CRHBP: variants seen among roughly 807,000 people sequenced by gnomAD.
CRHBP encodes the protein corticotropin-releasing hormone-binding protein.
Under a neutral mutation model 34.9 loss-of-function variants are expected in CRHBP, and 19 were observed. The ratio of observed to expected loss-of-function variants is 0.55; its 90% CI spans 0.38 to 0.80. The LOEUF is 0.80. Among genes scored for constraint, CRHBP ranks in the 30% least tolerant of loss-of-function variants. The pLI, the probability that CRHBP is intolerant of heterozygous loss-of-function variation, is 0.00. For synonymous variants in CRHBP, 154 were observed against 153.4 expected (o/e 1.00, Z -0.03); for missense variants, 328 against 409.2 (o/e 0.80, Z 1.71).
chr5:76,979,997 A>T (rs1209012480), intron 3 of CRHBP, among the ~76,000 whole-genome samples: 1 of 148,354 alleles, frequency 6.7e-6, no homozygotes, highest in Non-Finnish European at 1.5e-5. Context: ...CACGCCTGTA[A>T]TGCCAGCACT....
chr5:76,954,389 C>T (rs1233177394), intron 3 of CRHBP, among the ~76,000 whole-genome samples: 1 of 152,168 alleles, frequency 6.6e-6, no homozygotes, highest in Non-Finnish European at 1.5e-5. Flanking sequence ...AGACCTCGAC[C>T]CACACACATC....
chr5:76,954,074 C>T lies in CRHBP; in HGVS notation c.221C>T (p.Ala74Val). 6.2e-7 allele frequency: 1 copy of T among 1,613,994 alleles called. No homozygotes were observed. Among genetic ancestry groups the T allele is most frequent in the Non-Finnish European group, 8.5e-7 (1 of 1,179,950 alleles). ...LSLQGQFTFT[A>V]DRPQLHCAAF... is the part of the protein sequence containing the mutation. ...CTCCAGGGCCAGTTCACCTTCACCG[C>T]CGACCGGCCGCAGCTGCACTGCGCA... The change falls in exon 3 of 7, where the codon GCC becomes GTC. Residue 74 changes from alanine to valine, a missense_variant. Transcript: ENST00000274368.
intron 3 of CRHBP, among the ~76,000 whole-genome samples, chr5:76,955,026 A>G (rs935326618): frequency 1.3e-5 from 2 of 152,228 alleles, no homozygotes; most frequent in Non-Finnish European, 2.9e-5. Context: ...GGTCAAGTCA[A>G]TAGACTCTGA....
downstream of CRHBP, among the ~76,000 whole-genome samples, chr5:76,971,242 C>T (rs558145158): frequency 6.6e-6 from 1 of 152,276 alleles, no homozygotes; most frequent in Admixed American, 6.5e-5. Context: ...TTATAAGTCT[C>T]CATTCCTTAG....
chr5:76,955,562 T>C (rs548025448), intron 3 of CRHBP, 91 bp from the exon 4 acceptor site: 35 of 1,147,024 alleles, frequency 3.1e-5, no homozygotes, highest in African/African-American at 4.6e-5. Context: ...TGAAGGCCCA[T>C]TGCTGGATGA....
chr5:76,973,806 G>A (rs1458920184), downstream of CRHBP, among the ~76,000 whole-genome samples: 1 of 83,746 alleles, frequency 1.2e-5, no homozygotes, highest in Non-Finnish European at 2.2e-5. Context: ...TCTCTTGCTT[G>A]CTATTTTATT....
At chr5:76,976,521 G>A (rs1013872160) in intron 3 of CRHBP, 1 of 152,232 alleles carries the variant, frequency 6.6e-6, no homozygotes, top group Non-Finnish European at 1.5e-5. Flanking sequence ...CAATGTAGAG[G>A]TGAGTTCTTA....
intron 2 of CRHBP, among the ~76,000 whole-genome samples, chr5:76,975,825 A>AAAAAAAAAAAAATATATATATATATAT: frequency 3.2e-5 from 2 of 61,846 alleles, no homozygotes; most frequent in Admixed American, 1.8e-4. Flanking sequence ...AAAAAAAAAA[A>AAAAAAAAAAAAATATATATATATATAT]ATATATATAT....
Position 76,955,839 on chromosome 5 carries a change from A to G in CRHBP, c.520A>G (p.Ile174Val), listed in dbSNP as rs1365260108. The G allele has an allele frequency of 3.7e-6, 6 of 1,614,068 alleles. No homozygotes were observed. Among genetic ancestry groups the G allele is most frequent in the Middle Eastern group, 1.6e-4 (1 of 6,072 alleles). ...HEPGNGFTLTIKTDPNLFPCN... is the reference protein window; with the variant it reads ...HEPGNGFTLTVKTDPNLFPCN... Reference sequence around the variant, plus strand: ...ACCAGGAAATGGATTCACATTAACCATAAAGACAGACCCCAACCTCTTTCG... The same window carrying G: ...ACCAGGAAATGGATTCACATTAACCGTAAAGACAGACCCCAACCTCTTTCG... Residue 174 changes from isoleucine to valine, a missense_variant, in exon 4 of 7, where the codon ATA (isoleucine) becomes GTA (valine). Ile to Val is a conservative substitution (Grantham distance 29). This residue lies in a region of CRHBP where 144 missense variants were observed against 216.7 expected (regional missense o/e 0.66). Transcript: ENST00000274368.
At chr5:76,975,331 A>G (rs1004579615) in intron 2 of CRHBP, among the ~76,000 whole-genome samples, 16 of 152,242 alleles carry the variant, frequency 1.1e-4, no homozygotes, top group Non-Finnish European at 2.1e-4. Flanking sequence ...TAATTAAGCA[A>G]GTAATTCATT....
chr5:76,968,050 T>A (rs1745885907), intron 6 of CRHBP, among the ~76,000 whole-genome samples: 1 of 152,092 alleles, frequency 6.6e-6, no homozygotes, highest in Non-Finnish European at 1.5e-5. Context: ...TTCATATAAA[T>A]AGTACAGAAA....
intron 4 of CRHBP, among the ~76,000 whole-genome samples, chr5:76,958,336 CAG>C (rs1195986483): frequency 1.3e-5 from 2 of 152,022 alleles, no homozygotes; most frequent in Admixed American, 6.5e-5. Context: ...TAAAAATAGA[CAG>C]AGTTTGAGTT....
At chr5:76,957,747 T>G (rs894854177) in intron 4 of CRHBP, among the ~76,000 whole-genome samples, 1 of 152,222 alleles carries the variant, frequency 6.6e-6, no homozygotes, top group Admixed American at 6.5e-5. Context: ...TGGGAGTAAA[T>G]TAAACATTAA....
chr5:76,962,278 C>G (rs1745789723), intron 5 of CRHBP, among the ~76,000 whole-genome samples: 1 of 151,918 alleles, frequency 6.6e-6, no homozygotes, highest in Non-Finnish European at 1.5e-5. Flanking sequence ...TGTGGGAGCC[C>G]TTATTACAAT....
intron 3 of CRHBP, among the ~76,000 whole-genome samples, chr5:76,978,946 A>T (rs1746079008): frequency 6.6e-6 from 1 of 152,200 alleles, no homozygotes; most frequent in Non-Finnish European, 1.5e-5. Flanking sequence ...AATGCTTTGT[A>T]AAAAGAAGAG....
downstream of CRHBP, among the ~76,000 whole-genome samples, chr5:76,972,493 G>A (rs766028648): frequency 6.6e-6 from 1 of 151,356 alleles, no homozygotes; most frequent in Admixed American, 6.6e-5. Flanking sequence ...GAGGGACTCC[G>A]TCTCAAAAAA....
At chr5:76,979,096 G>A (rs1005888875) in intron 3 of CRHBP, among the ~76,000 whole-genome samples, 2 of 152,172 alleles carry the variant, frequency 1.3e-5, no homozygotes, top group Non-Finnish European at 2.9e-5. Flanking sequence ...ATTATGACTC[G>A]CTGAAGGATG....
intron 6 of CRHBP, 35 bp from the exon 7 acceptor site, chr5:76,968,693 T>A (rs1382242176): frequency 6.3e-7 from 1 of 1,577,712 alleles, no homozygotes; most frequent in East Asian, 2.3e-5. Context: ...GTTTCTAACC[T>A]GCTGGGAAAC....
At chr5:76,969,943 T>G (rs887300650), downstream of CRHBP, among the ~76,000 whole-genome samples, 1 of 85,080 alleles carries the variant, frequency 1.2e-5, no homozygotes, top group Non-Finnish European at 2.5e-5. Context: ...TCTTTTTTTT[T>G]TTTTTTTTTT....
Sources: allele counts gnomAD v4.1 joint callset (sites outside exome capture counted in the v4.1 genomes callset), GRCh38; gene constraint gnomAD v4.1.1; regional missense constraint gnomAD v4.1.1; transcripts MANE v1.5; gene names NCBI Gene and HGNC (gene_info 2026-07-23, HGNC 2026-07-21).